The following PLEKHM3 variants were observed in gnomAD, a reference collection of about 807,000 sequenced individuals.
PLEKHM3 encodes the protein pleckstrin homology domain-containing family M member 3.
In PLEKHM3, 45 loss-of-function variants were observed where a neutral mutation model predicts 81.8. The observed-to-expected ratio is 0.55, with a 90% CI of 0.43 to 0.71. The LOEUF (loss-of-function observed/expected upper bound fraction) is 0.71, where lower values mean the gene tolerates loss of function less well. PLEKHM3 is among the 30% of genes least tolerant of loss of function. The pLI, the probability that PLEKHM3 is intolerant of heterozygous loss-of-function variation, is 0.00. For missense variants in PLEKHM3, 788 were observed against 924.3 expected (o/e 0.85, Z 1.91); for synonymous variants, 352 against 356.4 (o/e 0.99, Z 0.14).
At chr2:207,859,145 T>TC (rs2092453469) in intron 7 of PLEKHM3, among the ~76,000 whole-genome samples, 2 of 149,618 alleles carry the variant, frequency 1.3e-5, no homozygotes, top group Admixed American at 6.6e-5. Flanking sequence ...TCTTTTTTTT[T>TC]TTTTTTTTTG....
At chr2:207,878,157 C>T (rs866691494) in intron 6 of PLEKHM3, among the ~76,000 whole-genome samples, 3 of 152,134 alleles carry the variant, frequency 2.0e-5, no homozygotes, top group Admixed American at 1.3e-4. Flanking sequence ...AGGCTGGTCT[C>T]GAACTCATGG....
intron 7 of PLEKHM3, among the ~76,000 whole-genome samples, chr2:207,849,185 C>T (rs1473770585): frequency 1.3e-5 from 2 of 152,028 alleles, no homozygotes; most frequent in African/African-American, 4.8e-5. Context: ...AATACAAAAA[C>T]TAGCCGGGCA....
At chr2:207,962,171 A>G (rs1449464801) in intron 3 of PLEKHM3, among the ~76,000 whole-genome samples, 1 of 152,202 alleles carries the variant, frequency 6.6e-6, no homozygotes, top group African/African-American at 2.4e-5. Flanking sequence ...AAGACCAACC[A>G]CATGATTAGA....
At chr2:207,948,269 C>A (rs959303060) in intron 3 of PLEKHM3, among the ~76,000 whole-genome samples, 2 of 151,250 alleles carry the variant, frequency 1.3e-5, no homozygotes, top group African/African-American at 4.9e-5. Context: ...ACTCATTTGG[C>A]ATTTAGCGCG....
chr2:207,845,582 C>A (rs1412513467), intron 7 of PLEKHM3, among the ~76,000 whole-genome samples: 1 of 152,204 alleles, frequency 6.6e-6, no homozygotes, highest in African/African-American at 2.4e-5. Flanking sequence ...TAAAACACAT[C>A]CATCTCCAAC....
At chr2:208,011,785 CTTTTTTTTT>C (rs1177948830) in intron 1 of PLEKHM3, among the ~76,000 whole-genome samples, 3 of 79,992 alleles carry the variant, frequency 3.8e-5, no homozygotes, top group South Asian at 3.4e-4. Flanking sequence ...CTCTGATAAA[CTTTTTTTTT>C]TTTTTTTTTT....
At chr2:207,903,745 G>GAACC (rs1688517395) in intron 6 of PLEKHM3, among the ~76,000 whole-genome samples, 1 of 152,050 alleles carries the variant, frequency 6.6e-6, no homozygotes, top group Non-Finnish European at 1.5e-5. Flanking sequence ...GTAAAATCTG[G>GAACC]AACCTTTTCA....
chr2:207,996,853 A>G (rs895276629), intron 2 of PLEKHM3, among the ~76,000 whole-genome samples: 1 of 152,208 alleles, frequency 6.6e-6, no homozygotes, highest in African/African-American at 2.4e-5. Context: ...AATTCAATTC[A>G]TAATAATAAC....
chr2:207,942,295 C>T (rs1157403712), intron 4 of PLEKHM3, among the ~76,000 whole-genome samples: 4 of 151,996 alleles, frequency 2.6e-5, no homozygotes, highest in African/African-American at 9.7e-5. Context: ...ATTGCTTGAG[C>T]TCAGGAGTTC....
At chr2:207,872,529 G>A (rs1352213429) in intron 6 of PLEKHM3, among the ~76,000 whole-genome samples, 1 of 152,156 alleles carries the variant, frequency 6.6e-6, no homozygotes. Flanking sequence ...GACAGAAATG[G>A]ATTTATCATC....
chr2:207,951,659 T>G (rs1274512649), intron 3 of PLEKHM3, among the ~76,000 whole-genome samples: 1 of 152,196 alleles, frequency 6.6e-6, no homozygotes, highest in Non-Finnish European at 1.5e-5. Flanking sequence ...TTGCTGCACG[T>G]ACAGTCCATT....
At chr2:207,850,817 G>C (rs1466928340) in intron 7 of PLEKHM3, among the ~76,000 whole-genome samples, 2 of 152,114 alleles carry the variant, frequency 1.3e-5, no homozygotes, top group Non-Finnish European at 2.9e-5. Flanking sequence ...TTAAATCATA[G>C]AGCAGTGTCA....
At chr2:207,868,816 A>T (rs1228293195) in intron 6 of PLEKHM3, 4 of 152,184 alleles carry the variant, frequency 2.6e-5, no homozygotes, top group Admixed American at 2.0e-4. Flanking sequence ...CAAGTTGTTC[A>T]TCTGTTTGGA....
chr2:207,859,754 T>C (rs1453104645), intron 7 of PLEKHM3, among the ~76,000 whole-genome samples: 1 of 151,972 alleles, frequency 6.6e-6, no homozygotes, highest in East Asian at 1.9e-4. Context: ...CCTGCTACCA[T>C]GCCCGGCTAA....
chr2:207,971,026 A>C (rs1691101488), intron 3 of PLEKHM3, among the ~76,000 whole-genome samples: 1 of 152,224 alleles, frequency 6.6e-6, no homozygotes, highest in South Asian at 2.1e-4. Context: ...TTTGCTGTTA[A>C]CATGTTCAAA....
chr2:207,950,574 C>G (rs1461582938), intron 3 of PLEKHM3, among the ~76,000 whole-genome samples: 1 of 152,134 alleles, frequency 6.6e-6, no homozygotes, highest in Non-Finnish European at 1.5e-5. Flanking sequence ...CATCCTCCCC[C>G]TCCCATCCTA....
intron 5 of PLEKHM3, among the ~76,000 whole-genome samples, chr2:207,927,660 T>A (rs1689446625): frequency 6.6e-6 from 1 of 151,028 alleles, no homozygotes; most frequent in African/African-American, 2.4e-5. Context: ...TGAAACCCCG[T>A]CTCTACTAAA....
chr2:207,911,136 A>C (rs1324406439), intron 5 of PLEKHM3, among the ~76,000 whole-genome samples: 1 of 152,200 alleles, frequency 6.6e-6, no homozygotes, highest in Non-Finnish European at 1.5e-5. Context: ...CAGAGCAGAC[A>C]GCTGAAGCCA....
chr2:207,933,399 A>G (rs1262615385), intron 4 of PLEKHM3, among the ~76,000 whole-genome samples: 1 of 152,244 alleles, frequency 6.6e-6, no homozygotes, highest in Non-Finnish European at 1.5e-5. Flanking sequence ...TGTGATATTT[A>G]AATATCTTAA....
Sources: gnomAD v4.1 joint callset for allele counts (sites outside exome capture counted in the v4.1 genomes callset) on GRCh38, gnomAD v4.1.1 for gene constraint, MANE v1.5 for transcripts, NCBI Gene and HGNC (gene_info 2026-07-23, HGNC 2026-07-21) for gene names.